Variants in CLHC1 observed in about 807,000 individuals in gnomAD.
The protein encoded by CLHC1 is clathrin heavy chain linker domain-containing protein 1.
A neutral mutation model predicts 69.5 loss-of-function variants in CLHC1; 72 were observed. The ratio of observed to expected loss-of-function variants is 1.04; its 90% CI spans 0.86 to 1.26. The LOEUF (loss-of-function observed/expected upper bound fraction) is 1.26. Ranked by LOEUF, CLHC1 falls within the 50% of genes most tolerant of loss-of-function variation. The pLI is 0.00. For missense variants in CLHC1, 790 were observed against 679.3 expected (o/e 1.16, Z -1.81); for synonymous variants, 223 against 224.3 (o/e 0.99, Z 0.05).
In CLHC1 at chr2:55,172,883, A is replaced by T. The variant is rs554488598; in HGVS notation, c.*2907T>A. ...AGGAAAAGTTCTAAATATTAAAAAA[A>T]TTTTTTTCATTAGACTAGACTTCTG... is the stretch of plus-strand genomic sequence containing the variant. On this transcript the variant is annotated 3_prime_UTR_variant, in exon 13 of 13. Coordinates refer to ENST00000401408, the MANE Select transcript of CLHC1 (RefSeq NM_152385.4). Among the ~76,000 whole-genome samples the T allele has an allele frequency of 2.0e-5, 3 of 152,264 alleles. No homozygotes were observed. Among genetic ancestry groups the T allele is most frequent in the East Asian group, 1.9e-4 (1 of 5,192 alleles).
At chr2:55,176,708 C>A (rs1669421580) in intron 12 of CLHC1, among the ~76,000 whole-genome samples, 1 of 151,926 alleles carries the variant, frequency 6.6e-6, no homozygotes, top group Non-Finnish European at 1.5e-5. Flanking sequence ...AATTTTATTT[C>A]TACCATAATT....
chr2:55,204,791 G>A (rs1282306972), intron 9 of CLHC1, among the ~76,000 whole-genome samples: 1 of 152,158 alleles, frequency 6.6e-6, no homozygotes, highest in African/African-American at 2.4e-5. Context: ...CAACATGGAT[G>A]GAACCGGAGG....
chr2:55,188,490 G>T (rs75628856), intron 9 of CLHC1, among the ~76,000 whole-genome samples: 1 of 151,988 alleles, frequency 6.6e-6, no homozygotes, highest in Non-Finnish European at 1.5e-5. Flanking sequence ...AATCGCATAC[G>T]TTACCATTGG....
chr2:55,202,625 G>A (rs1012633649), intron 9 of CLHC1, among the ~76,000 whole-genome samples: 2 of 151,156 alleles, frequency 1.3e-5, no homozygotes, highest in African/African-American at 4.9e-5. Context: ...GGCCAAGCAT[G>A]GTGGCTAACA....
chr2:55,212,547 T>A, intron 5 of CLHC1, 126 bp downstream of exon 5: 1 of 735,776 alleles, frequency 1.4e-6, no homozygotes, highest in Non-Finnish European at 2.2e-6. Context: ...TGACTAAAAT[T>A]ATGTGTACAA....
chr2:55,219,192 T>C (rs963901614), intron 3 of CLHC1, among the ~76,000 whole-genome samples: 1 of 152,326 alleles, frequency 6.6e-6, no homozygotes. Context: ...ACTCCTCTGA[T>C]ATGCTCCAAC....
chr2:55,209,892 G>C, intron 5 of CLHC1, 61 bp from the exon 6 acceptor site: 1 of 1,083,776 alleles, frequency 9.2e-7, no homozygotes, highest in Non-Finnish European at 1.4e-6. Context: ...TGTGCTCAAA[G>C]AGCAAGTCTT....
At chr2:55,200,286 T>C (rs1671827663) in intron 9 of CLHC1, among the ~76,000 whole-genome samples, 1 of 145,862 alleles carries the variant, frequency 6.9e-6, no homozygotes, top group Non-Finnish European at 1.5e-5. Flanking sequence ...CAATGATCTG[T>C]TGCCTACAAG....
chr2:55,214,221 A>T (rs1673274405), intron 4 of CLHC1, among the ~76,000 whole-genome samples: 1 of 152,226 alleles, frequency 6.6e-6, no homozygotes, highest in Admixed American at 6.5e-5. Context: ...AATTAAAAAC[A>T]AGTTTGGGCT....
chr2:55,214,581 T>C (rs941798447), intron 4 of CLHC1: 1 of 152,238 alleles, frequency 6.6e-6, no homozygotes, highest in Non-Finnish European at 1.5e-5. Flanking sequence ...TATTATATAG[T>C]GCTCTTGGTA....
In CLHC1 at chr2:55,209,686, A is replaced by T; in HGVS notation, c.645T>A (p.Ile215=). Residue 215 remains isoleucine, a synonymous_variant, in exon 6 of 13, where the codon ATT becomes ATA. Coordinates refer to ENST00000401408, the MANE Select transcript of CLHC1 (RefSeq NM_152385.4). The part of the protein sequence containing the change: ...QRKADLDEEM[I]VLLKRRDVAE... ...CTACATCTCGCCGTTTTAATAACAC[A>T]ATCATTTCTTCATCTAAATCAGCCT... 1.9e-6 allele frequency: 3 copies of T among 1,614,126 alleles called. No individual in the cohort carries two copies. The highest frequency in any genetic ancestry group is 1.1e-5 in the South Asian group (1 of 91,084).
chr2:55,180,108 C>T (rs1017654260), intron 11 of CLHC1, among the ~76,000 whole-genome samples: 3 of 151,612 alleles, frequency 2.0e-5, no homozygotes, highest in Non-Finnish European at 2.9e-5. Context: ...GAGCCAAGAT[C>T]GCAGCACTGC....
intron 9 of CLHC1, among the ~76,000 whole-genome samples, chr2:55,187,999 A>T (rs1346747779): frequency 6.6e-6 from 1 of 152,154 alleles, no homozygotes; most frequent in Non-Finnish European, 1.5e-5. Context: ...AGTACTTCAC[A>T]AAATGGGAAA....
In CLHC1 at chr2:55,172,604, A is replaced by T. The variant is rs1669046661; in HGVS notation, c.*3186T>A. Among the ~76,000 whole-genome samples the T allele has an allele frequency of 6.6e-6, 1 of 151,888 alleles. No homozygotes were observed. Among genetic ancestry groups the T allele is most frequent in the Admixed American group, 6.5e-5 (1 of 15,284 alleles). On this transcript the variant is annotated 3_prime_UTR_variant, in exon 13 of 13. Transcript: ENST00000401408. ...AACACAACAAATTATAACTACTAGC[A>T]AACTGACAGCTTTATACACCGAACA...
At chr2:55,189,863 A>G (rs150325624) in intron 9 of CLHC1, among the ~76,000 whole-genome samples, 1 of 152,172 alleles carries the variant, frequency 6.6e-6, no homozygotes, top group African/African-American at 2.4e-5. Flanking sequence ...GGCAAACTTC[A>G]TAATCCTCAG....
intron 2 of CLHC1, chr2:55,224,372 TC>T: frequency 6.8e-6 from 3 of 440,116 alleles, no homozygotes; most frequent in Non-Finnish European, 1.4e-5. Context: ...GGGCAGAAGC[TC>T]CCCCGACACC....
chr2:55,212,136 G>A (rs1673070750), intron 5 of CLHC1, among the ~76,000 whole-genome samples: 1 of 152,156 alleles, frequency 6.6e-6, no homozygotes, highest in African/African-American at 2.4e-5. Flanking sequence ...AATTATCTGG[G>A]CACAGTGGCA....
At position 55,206,377 on chromosome 2, in the gene CLHC1, C is replaced by G. The variant is rs774717907; in HGVS notation, c.900-1G>C. On this transcript the variant is annotated splice_acceptor_variant, in intron 8 of 12. Coordinates refer to ENST00000401408, the MANE Select transcript of CLHC1 (RefSeq NM_152385.4). LOFTEE classifies it high-confidence loss of function. ...ACCAAGTGAGATTAACTCATTAAAC[C>G]TATAGCCATCACATTTTAAAATGCA... 1.3e-6 allele frequency: 2 copies of G among 1,534,252 alleles called. No homozygotes were observed. The highest frequency in any genetic ancestry group is 1.4e-5 in the African/African-American group (1 of 73,530).
intron 9 of CLHC1, among the ~76,000 whole-genome samples, chr2:55,198,085 C>T (rs907407535): frequency 1.3e-5 from 2 of 152,088 alleles, no homozygotes; most frequent in African/African-American, 4.8e-5. Flanking sequence ...CAAAGTCTCT[C>T]AGCAGCAGAA....
Sources: allele counts gnomAD v4.1 joint callset (sites outside exome capture counted in the v4.1 genomes callset), GRCh38; gene constraint gnomAD v4.1.1; transcripts MANE v1.5; gene names NCBI Gene and HGNC (gene_info 2026-07-23, HGNC 2026-07-21).